Variants in SLC9C1 observed in about 807,000 individuals in gnomAD.
SLC9C1 encodes solute carrier family 9 member C1.
A neutral mutation model predicts 140.9 loss-of-function variants in SLC9C1; 97 were observed. That is an observed-to-expected ratio of 0.69 (90% confidence interval 0.58 to 0.82). SLC9C1 has a LOEUF of 0.82. Ranked by LOEUF, SLC9C1 falls within the 40% of genes least tolerant of loss-of-function variation. The pLI, the probability that SLC9C1 is intolerant of heterozygous loss-of-function variation, is 0.00. For missense variants in SLC9C1, 1,340 were observed against 1,389.3 expected (o/e 0.96, Z 0.56); for synonymous variants, 440 against 442.6 (o/e 0.99, Z 0.07).
intron 19 of SLC9C1, 49 bp downstream of exon 19, chr3:112,200,662 G>C: frequency 6.5e-7 from 1 of 1,533,368 alleles, no homozygotes; most frequent in Non-Finnish European, 9.0e-7. Flanking sequence ...CCTTTCTGAA[G>C]TGGTGATGAT....
At chr3:112,269,750 T>C (rs2080020297) in intron 7 of SLC9C1, among the ~76,000 whole-genome samples, 166 bp downstream of exon 7, 2 of 152,278 alleles carry the variant, frequency 1.3e-5, no homozygotes, top group South Asian at 4.1e-4. Flanking sequence ...TTCTGTTGTA[T>C]AGATATTCAT....
Position 112,169,182 on chromosome 3 carries a change from A to G in SLC9C1, c.3051+15T>C. 1 of 1,606,060 alleles carries G rather than the reference A, an allele frequency of 6.2e-7. No individual in the cohort carries two copies. ...TTCAAAGAAAGAAAGACAAGTTTAT[A>G]CAAGCACTTCCTACCTCATAAGATA... On this transcript the variant is annotated intron_variant, in intron 24 of 28. Transcript: ENST00000305815.
chr3:112,196,613 A>G (rs1026491064), intron 20 of SLC9C1, among the ~76,000 whole-genome samples: 2 of 152,068 alleles, frequency 1.3e-5, no homozygotes, highest in African/African-American at 2.4e-5. Context: ...CCAGTGACCT[A>G]TCCTCAAGTT....
At chr3:112,280,132 G>A (rs1260326554) in intron 3 of SLC9C1, among the ~76,000 whole-genome samples, 1 of 152,194 alleles carries the variant, frequency 6.6e-6, no homozygotes, top group African/African-American at 2.4e-5. Context: ...GACTGAATTT[G>A]TTTGGGAAAG....
chr3:112,206,455 A>C (rs2078051734), intron 16 of SLC9C1, among the ~76,000 whole-genome samples: 1 of 152,132 alleles, frequency 6.6e-6, no homozygotes, highest in Admixed American at 6.5e-5. Flanking sequence ...AGGATCTAGA[A>C]CTAGAAATAC....
At chr3:112,257,525 G>A (rs10804496) in intron 10 of SLC9C1, among the ~76,000 whole-genome samples, 21 of 151,954 alleles carry the variant, frequency 1.4e-4, no homozygotes, top group African/African-American at 3.1e-4. Flanking sequence ...GGACCCCTTC[G>A]TTACACTACA....
chr3:112,264,236 T>G lies in SLC9C1; in HGVS notation c.986A>C (p.Tyr329Ser), dbSNP rs779280371. The G allele has an allele frequency of 1.6e-5, 21 of 1,307,848 alleles. No homozygotes were observed. Among genetic ancestry groups the G allele is most frequent in the Middle Eastern group, 1.9e-4 (1 of 5,176 alleles). 81.0% of individuals were successfully genotyped at this position (1,307,848 alleles called of 1,614,324 possible). The change falls in exon 9 of 29, where the codon TAT becomes TCT. Residue 329 changes from tyrosine to serine, a missense_variant. Tyr to Ser is a moderately radical substitution (Grantham distance 144). Transcript: ENST00000305815. The part of the protein sequence containing the change: ...YLYIEFVDIY[Y>S]SLNIYLTLIV... ...CAATGTTAAGTAGATATTTAATGAA[T>G]AGTATATATCAACAAATTCTATATA... is the stretch of plus-strand genomic sequence containing the variant.
At position 112,151,920 on chromosome 3, in the gene SLC9C1, C is replaced by T; in HGVS notation, c.3461G>A (p.Cys1154Tyr). ...GTTGAACTTTGTCCCCAGCAGGGAGCAAGGCTGGGGACTCCTGGCAGTGGC... is the reference window on the plus strand; with the variant it reads ...GTTGAACTTTGTCCCCAGCAGGGAGTAAGGCTGGGGACTCCTGGCAGTGGC... ...SAATARSPQP[C>Y]SLLGTKFNCK... The change falls in exon 28 of 29, where the codon TGC becomes TAC. Residue 1154 changes from cysteine to tyrosine, a missense_variant. Physicochemically the swap from Cys to Tyr is radical, Grantham distance 194. Coordinates refer to ENST00000305815, the MANE Select transcript of SLC9C1 (RefSeq NM_183061.3). The T allele has an allele frequency of 6.2e-7, 1 of 1,607,232 alleles. No homozygotes were observed. Among genetic ancestry groups the T allele is most frequent in the Non-Finnish European group, 8.5e-7 (1 of 1,178,148 alleles).
At chr3:112,201,274 TG>T (rs1302111020) in intron 18 of SLC9C1, among the ~76,000 whole-genome samples, 2 of 151,982 alleles carry the variant, frequency 1.3e-5, no homozygotes, top group African/African-American at 2.4e-5. Context: ...TTGGCCAAGG[TG>T]AACGAAAGTA....
intron 6 of SLC9C1, among the ~76,000 whole-genome samples, chr3:112,273,450 C>T (rs750854907): frequency 6.6e-6 from 1 of 152,090 alleles, no homozygotes; most frequent in African/African-American, 2.4e-5. Context: ...AAACTAACAC[C>T]ATACAGAGAG....
chr3:112,256,452 C>T (rs2079609167), intron 10 of SLC9C1, among the ~76,000 whole-genome samples: 1 of 151,818 alleles, frequency 6.6e-6, no homozygotes, highest in Admixed American at 6.6e-5. Flanking sequence ...TTGATCAGAA[C>T]AGAAGTTAAG....
Position 112,277,824 on chromosome 3 carries a change from A to T in SLC9C1, c.355T>A (p.Tyr119Asn), listed in dbSNP as rs921470685. The T allele has an allele frequency of 6.2e-7, 1 of 1,602,430 alleles. No individual in the cohort carries two copies. The highest frequency in any genetic ancestry group is 1.3e-5 in the African/African-American group (1 of 74,140). Residue 119 changes from tyrosine to asparagine, a missense_variant, in exon 5 of 29, where the codon TAT (tyrosine) becomes AAT (asparagine). By Grantham distance (143) the Tyr-to-Asn change is moderately radical. Coordinates refer to ENST00000305815, the MANE Select transcript of SLC9C1 (RefSeq NM_183061.3). Reference protein sequence around the residue: ...LISIPGFLVNYILVLWHLASV... With the variant: ...LISIPGFLVNNILVLWHLASV... ...GCCAGATGCCAAAGAACTAAGATAT[A>T]ATTAACCAAAAAGCCGGGAATTGAA...
At chr3:112,217,596 A>T (rs984972353) in intron 14 of SLC9C1, 35 bp from the exon 15 acceptor site, 8 of 1,537,356 alleles carry the variant, frequency 5.2e-6, no homozygotes, top group Admixed American at 4.3e-5. Flanking sequence ...ACATGCTTTA[A>T]ACATTTTGAG....
chr3:112,280,839 T>C, intron 2 of SLC9C1, 56 bp from the exon 3 acceptor site: 4 of 1,440,796 alleles, frequency 2.8e-6, no homozygotes, highest in Non-Finnish European at 3.9e-6. Flanking sequence ...TATAGAACTT[T>C]AATGTGACAT....
intron 26 of SLC9C1, among the ~76,000 whole-genome samples, chr3:112,163,035 C>G (rs200371388): frequency 8.5e-5 from 8 of 94,074 alleles, no homozygotes; most frequent in Non-Finnish European, 1.7e-4. Context: ...TCCATTTCTT[C>G]TAGATTTTCT....
At chr3:112,246,216 T>G (rs2079279095) in intron 10 of SLC9C1, among the ~76,000 whole-genome samples, 1 of 152,186 alleles carries the variant, frequency 6.6e-6, no homozygotes, top group Admixed American at 6.6e-5. Context: ...AGGCACCCAG[T>G]AGGCTTATGT....
intron 26 of SLC9C1, among the ~76,000 whole-genome samples, chr3:112,163,841 C>T (rs931751659): frequency 6.6e-6 from 1 of 151,944 alleles, no homozygotes; most frequent in African/African-American, 2.4e-5. Context: ...GACTTTCTGT[C>T]TCGTTGATCT....
chr3:112,248,349 C>G (rs1383417123), intron 10 of SLC9C1, among the ~76,000 whole-genome samples: 2 of 152,134 alleles, frequency 1.3e-5, no homozygotes, highest in Non-Finnish European at 2.9e-5. Flanking sequence ...TTAATTTATA[C>G]TCATATTCTT....
chr3:112,250,048 T>G (rs2079406615), intron 10 of SLC9C1, among the ~76,000 whole-genome samples: 1 of 151,510 alleles, frequency 6.6e-6, no homozygotes, highest in African/African-American at 2.4e-5. Context: ...TATCTCCTAA[T>G]GCTATCCCTC....
Sources: allele counts gnomAD v4.1 joint callset (sites outside exome capture counted in the v4.1 genomes callset), GRCh38; gene constraint gnomAD v4.1.1; transcripts MANE v1.5; gene names NCBI Gene and HGNC (gene_info 2026-07-23, HGNC 2026-07-21).